Variants in FGD4 observed in about 807,000 individuals in gnomAD.
The protein encoded by FGD4 is FYVE, RhoGEF and PH domain containing 4.
In FGD4, 42 loss-of-function variants were observed where a neutral mutation model predicts 102.0. The observed-to-expected ratio is 0.41, with a 90% confidence interval of 0.32 to 0.53. The LOEUF is 0.53. FGD4 is among the 20% of genes least tolerant of loss of function. The pLI, the probability that FGD4 is intolerant of heterozygous loss-of-function variation, is 0.21. For synonymous variants in FGD4, 380 were observed against 375.7 expected (o/e 1.01, Z -0.13); for missense variants, 902 against 1,078.2 (o/e 0.84, Z 2.29).
At chr12:32,576,161 C>A (rs370110372) in intron 2 of FGD4, 105 bp from the exon 3 acceptor site, 1 of 1,206,586 alleles carries the variant, frequency 8.3e-7, no homozygotes. Context: ...GCCCCCTTTA[C>A]AATAATTTTA....
intron 1 of FGD4, among the ~76,000 whole-genome samples, chr12:32,434,250 G>T (rs1942154572): frequency 6.6e-6 from 1 of 152,132 alleles, no homozygotes. Flanking sequence ...GCTCTTTTAT[G>T]ATGTTCTAAA....
At chr12:32,603,206 CT>C (rs1257069785) in intron 7 of FGD4, among the ~76,000 whole-genome samples, 1 of 152,054 alleles carries the variant, frequency 6.6e-6, no homozygotes, top group Non-Finnish European at 1.5e-5. Context: ...ATCTATAAGT[CT>C]ATTGTATACT....
At chr12:32,605,447 T>A (rs1173455352) in intron 7 of FGD4, among the ~76,000 whole-genome samples, 2 of 152,222 alleles carry the variant, frequency 1.3e-5, no homozygotes, top group Non-Finnish European at 2.9e-5. Flanking sequence ...GCACAAAGTT[T>A]GCCTTCTACA....
intron 1 of FGD4, among the ~76,000 whole-genome samples, chr12:32,523,702 C>T (rs747979332): frequency 9.9e-5 from 15 of 152,226 alleles, no homozygotes; most frequent in Non-Finnish European, 1.6e-4. Flanking sequence ...GGGCCGGGTG[C>T]GGTGGCTCAC....
intron 11 of FGD4, among the ~76,000 whole-genome samples, chr12:32,620,892 A>T: frequency 6.7e-6 from 1 of 149,306 alleles, no homozygotes; most frequent in East Asian, 2.0e-4. Flanking sequence ...CGAACTCCTG[A>T]CCTCAGGTGA....
intron 7 of FGD4, among the ~76,000 whole-genome samples, chr12:32,604,936 C>CTTTTTTTTTTTTTTTTTTTTTTTTTT (rs575943561): frequency 3.2e-5 from 3 of 94,548 alleles, no homozygotes; most frequent in African/African-American, 1.5e-4. Context: ...TTTATAGCTG[C>CTTTTTTTTTTTTTTTTTTTTTTTTTT]TTTTTTTTTT....
chr12:32,580,844 GCCACTGCA>G (rs1188234225), intron 3 of FGD4, among the ~76,000 whole-genome samples: 5 of 148,322 alleles, frequency 3.4e-5, no homozygotes, highest in Non-Finnish European at 7.4e-5. Context: ...CCAAGATTGC[GCCACTGCA>G]CTCCAGCCTG....
At chr12:32,483,349 A>G (rs1359612789) in intron 1 of FGD4, among the ~76,000 whole-genome samples, 2 of 152,202 alleles carry the variant, frequency 1.3e-5, no homozygotes, top group African/African-American at 4.8e-5. Context: ...GTGCAATTTT[A>G]TTTCAGTGTA....
At chr12:32,543,210 C>T (rs1170455028) in intron 1 of FGD4, among the ~76,000 whole-genome samples, 3 of 152,118 alleles carry the variant, frequency 2.0e-5, no homozygotes, top group Non-Finnish European at 4.4e-5. Context: ...TATAGATGAA[C>T]AGCCAGATAA....
At chr12:32,550,855 T>C (rs1290954481) in intron 1 of FGD4, among the ~76,000 whole-genome samples, 1 of 152,030 alleles carries the variant, frequency 6.6e-6, no homozygotes, top group Non-Finnish European at 1.5e-5. Context: ...ATGTAAAATA[T>C]TGTGAAAATA....
chr12:32,464,359 C>T (rs1194292240), intron 1 of FGD4, among the ~76,000 whole-genome samples: 3 of 151,884 alleles, frequency 2.0e-5, no homozygotes, highest in African/African-American at 7.3e-5. Context: ...CACCGTGTTG[C>T]CCAGGCTGGT....
chr12:32,495,468 G>A (rs923558390), intron 1 of FGD4, among the ~76,000 whole-genome samples: 6 of 151,960 alleles, frequency 3.9e-5, no homozygotes, highest in Non-Finnish European at 7.4e-5. Flanking sequence ...AGGCTGAGGC[G>A]GGCAGATCAC....
At chr12:32,435,154 G>C (rs1942185146) in intron 1 of FGD4, among the ~76,000 whole-genome samples, 2 of 152,074 alleles carry the variant, frequency 1.3e-5, no homozygotes. Context: ...TGTTTGTCAG[G>C]CTGGTCTCGA....
At chr12:32,485,585 C>T (rs950646204) in intron 1 of FGD4, among the ~76,000 whole-genome samples, 3 of 151,530 alleles carry the variant, frequency 2.0e-5, no homozygotes, top group Non-Finnish European at 4.4e-5. Context: ...GGACTACAGG[C>T]GCCTGCCACC....
At chr12:32,573,941 C>T (rs868469881) in intron 2 of FGD4, among the ~76,000 whole-genome samples, 1 of 152,110 alleles carries the variant, frequency 6.6e-6, no homozygotes, top group Non-Finnish European at 1.5e-5. Flanking sequence ...TCAATTCCTG[C>T]CTTGTGGAGG....
chr12:32,571,083 G>A (rs1221018151), intron 2 of FGD4, among the ~76,000 whole-genome samples: 3 of 152,200 alleles, frequency 2.0e-5, no homozygotes, highest in South Asian at 4.1e-4. Flanking sequence ...CAAAGTAGCT[G>A]TGTGTTACTT....
intron 1 of FGD4, among the ~76,000 whole-genome samples, chr12:32,473,458 C>T (rs1174101902): frequency 6.6e-6 from 1 of 152,014 alleles, no homozygotes; most frequent in Non-Finnish European, 1.5e-5. Context: ...CTGTAACACT[C>T]ACCGCAAAGG....
At chr12:32,613,748 C>CA (rs1949289610) in intron 10 of FGD4, among the ~76,000 whole-genome samples, 3 of 152,044 alleles carry the variant, frequency 2.0e-5, no homozygotes, top group Non-Finnish European at 4.4e-5. Context: ...GCCTGGGTGA[C>CA]AGAGTGAGAC....
chr12:32,491,014 A>C (rs1209199156), intron 1 of FGD4, among the ~76,000 whole-genome samples: 1 of 151,864 alleles, frequency 6.6e-6, no homozygotes, highest in Non-Finnish European at 1.5e-5. Flanking sequence ...ACAGTTCACC[A>C]GTGTGGAGAC....
Sources: allele counts gnomAD v4.1 joint callset (sites outside exome capture counted in the v4.1 genomes callset), GRCh38; gene constraint gnomAD v4.1.1; transcripts MANE v1.5; gene names NCBI Gene and HGNC (gene_info 2026-07-23, HGNC 2026-07-21).